Variants in CDIPT observed in about 807,000 individuals in gnomAD.
CDIPT encodes CDP-diacylglycerol--inositol 3-phosphatidyltransferase.
In CDIPT, 17 loss-of-function variants were observed where a neutral mutation model predicts 21.6. That is an observed-to-expected ratio of 0.79 (90% CI 0.54 to 1.18). The LOEUF is 1.18. CDIPT is among the 50% of genes most tolerant of loss of function. The probability of loss-of-function intolerance (pLI) is 0.00; values close to 1 mark genes in which losing one functional copy is unlikely to be tolerated. For missense variants in CDIPT, 254 were observed against 284.9 expected, an observed-to-expected ratio of 0.89 and a Z score of 0.78; for synonymous variants, 119 against 117.9, an observed-to-expected ratio of 1.01 and a Z score of -0.06.
Position 29,862,869 on chromosome 16 carries a change from C to T in CDIPT, c.-12G>A. 2 of 1,613,358 alleles carry T rather than the reference C, an allele frequency of 1.2e-6. No homozygotes were observed. Among genetic ancestry groups the T allele is most frequent in the South Asian group, 1.1e-5 (1 of 91,050 alleles). On this transcript the variant is annotated 5_prime_UTR_variant, in exon 1 of 6. Transcript: ENST00000219789. The surrounding 1 kb of genome is among the most constrained non-coding windows in gnomAD (Gnocchi z 6.7). ...TTTTCGTCTGGCATCGCGGCGCCTC[C>T]CTTGCTGCCCCGGGCCTGCTCTGGA...
At position 29,862,693 on chromosome 16, in the gene CDIPT, A is replaced by G. The variant is rs762982857; in HGVS notation, c.71T>C (p.Ile24Thr). The G allele has an allele frequency of 6.2e-7, 1 of 1,614,126 alleles. No homozygotes were observed. Among genetic ancestry groups the G allele is most frequent in the South Asian group, 1.1e-5 (1 of 91,082 alleles). Reference protein sequence around the residue: ...IGYARIVFAIISFYFMPCCPL... With the variant: ...IGYARIVFAITSFYFMPCCPL... ...GCAGCAGGGCATGAAGTAGAAAGAA[A>G]TGATGGCGAAGACAATCCGGGCATA... Residue 24 changes from isoleucine to threonine, a missense_variant, in exon 2 of 6, where the codon ATT becomes ACT. Physicochemically the swap from Ile to Thr is moderately conservative, Grantham distance 89. Transcript: ENST00000219789. The surrounding 1 kb of genome is among the most constrained non-coding windows in gnomAD (Gnocchi z 6.7).
At chr16:29,861,682 G>A (rs2067684010) in intron 2 of CDIPT, 1 of 611,102 alleles carries the variant, frequency 1.6e-6, no homozygotes, top group Non-Finnish European at 2.9e-6. Context: ...TGCTTATGCA[G>A]GGCACACAGT....
chr16:29,859,462 TG>T lies in CDIPT; in HGVS notation c.475del (p.His159IlefsTer7). 3 of 1,612,956 alleles carry T rather than the reference TG, an allele frequency of 1.9e-6. No individual in the cohort carries two copies. Among genetic ancestry groups the T allele is most frequent in the Non-Finnish European group, 2.5e-6 (3 of 1,179,368 alleles). On this transcript the variant is annotated frameshift_variant, in exon 5 of 6. Transcript: ENST00000219789. LOFTEE classifies it high-confidence loss of function. This position sits in a 1 kb window ranked among gnomAD's most constrained non-coding sequence, Gnocchi z 4.5. ...ELFYCLLYLF[H>X]FSEGPLVGSV... is the part of the protein sequence containing the mutation. Reference sequence around the variant, plus strand: ...CCTACCTAAAGGTCCCTCAGAGAAATGGAACAGGTAGAGGAGGCAGTAGAAG... The same window carrying T: ...CCTACCTAAAGGTCCCTCAGAGAAATGAACAGGTAGAGGAGGCAGTAGAAG...
At position 29,859,109 on chromosome 16, in the gene CDIPT, C is replaced by G; in HGVS notation, c.*80G>C. 6.8e-7 allele frequency: 1 copy of G among 1,465,026 alleles called. No homozygotes were observed. Among genetic ancestry groups the G allele is most frequent in the Non-Finnish European group, 9.2e-7 (1 of 1,084,028 alleles). 90.8% of individuals were successfully genotyped at this position (1,465,026 alleles called of 1,614,324 possible). On this transcript the variant is annotated 3_prime_UTR_variant, in exon 6 of 6. Transcript: ENST00000219789. The surrounding 1 kb of genome is among the most constrained non-coding windows in gnomAD (Gnocchi z 4.5). ...CATGAGGAAGGCGTGAGACTGGGAC[C>G]TCCTAGCAGGGGGTGGGGAGCTGTG...
In CDIPT at chr16:29,859,733, G is replaced by A. The variant is rs369845130; in HGVS notation, c.415-210C>T. ...TCAAAACTCCTGGTCTCAGCCAGGC[G>A]TGTGGCTCATGCCTGGAGTCCCAGC... On this transcript the variant is annotated intron_variant, in intron 4 of 5. Coordinates refer to ENST00000219789, the MANE Select transcript of CDIPT (RefSeq NM_006319.5). This position sits in a 1 kb window ranked among gnomAD's most constrained non-coding sequence, Gnocchi z 4.5. Among the ~76,000 whole-genome samples, 7 of 152,110 alleles carry A rather than the reference G, an allele frequency of 4.6e-5. No homozygotes were observed. The highest frequency in any genetic ancestry group is 6.6e-5 in the Admixed American group (1 of 15,256).
At chr16:29,861,047 C>T in intron 3 of CDIPT, 59 bp downstream of exon 3, 1 of 1,578,082 alleles carries the variant, frequency 6.3e-7, no homozygotes, top group Non-Finnish European at 8.7e-7. Flanking sequence ...TCCGTCTAGG[C>T]TCAGCCCACC....
At position 29,859,879 on chromosome 16, in the gene CDIPT, C is replaced by T. The variant is rs1184438866; in HGVS notation, c.415-356G>A. On this transcript the variant is annotated intron_variant, in intron 4 of 5. Transcript: ENST00000219789. This position sits in a 1 kb window ranked among gnomAD's most constrained non-coding sequence, Gnocchi z 4.5. Reference sequence around the variant, plus strand: ...AATTAGCCGAGTGTGGTGGCACGTGCCGGTAGTCCCAGCCACTCAGGAGGC... The same window carrying T: ...AATTAGCCGAGTGTGGTGGCACGTGTCGGTAGTCCCAGCCACTCAGGAGGC... Among the ~76,000 whole-genome samples the T allele has an allele frequency of 6.6e-6, 1 of 152,080 alleles. No individual in the cohort carries two copies. Among genetic ancestry groups the T allele is most frequent in the Admixed American group, 6.6e-5 (1 of 15,248 alleles).
At chr16:29,861,345 T>C in intron 2 of CDIPT, 86 bp from the exon 3 acceptor site, 1 of 1,576,362 alleles carries the variant, frequency 6.3e-7, no homozygotes, top group Non-Finnish European at 8.6e-7. Flanking sequence ...TGACGCAGGG[T>C]GTAAACGAAG....
At chr16:29,861,772 C>T (rs1596943261) in intron 2 of CDIPT, 1 of 412,996 alleles carries the variant, frequency 2.4e-6, no homozygotes, top group South Asian at 2.7e-5. Context: ...CTTGCTCTGT[C>T]GCCCAGGCTG....
rs752466033 is a variant in CDIPT, at chr16:29,861,232, A to G, written c.206T>C (p.Met69Thr). Residue 69 changes from methionine (M) to threonine (T), a missense_variant, in exon 3 of 6, where the codon ATG becomes ACG. Met to Thr is a moderately conservative substitution (Grantham distance 81). Coordinates refer to ENST00000219789, the MANE Select transcript of CDIPT (RefSeq NM_006319.5). Reference sequence around the variant, plus strand: ...CATGGTGGAGCAGCGGTCCGTCAGCATGTCCAGCATGGCCCCAAACCGGGT... The same window carrying G: ...CATGGTGGAGCAGCGGTCCGTCAGCGTGTCCAGCATGGCCCCAAACCGGGT... ...QGTRFGAMLDMLTDRCSTMCL... is the reference protein window; with the variant it reads ...QGTRFGAMLDTLTDRCSTMCL... 2 of 1,614,198 alleles carry G rather than the reference A, an allele frequency of 1.2e-6. No homozygotes were observed. The highest frequency in any genetic ancestry group is 1.1e-5 in the South Asian group (1 of 91,086).
rs996254709 is a variant in CDIPT at position 29,858,964 on chromosome 16, G to A, written c.*225C>T. On this transcript the variant is annotated 3_prime_UTR_variant, in exon 6 of 6. Transcript: ENST00000219789. ...CCGGTCCCGGCACCCCAGGAGCACCGCCTGGATGGAGGGGGCCTCCCGCGT... is the reference window on the plus strand; with the variant it reads ...CCGGTCCCGGCACCCCAGGAGCACCACCTGGATGGAGGGGGCCTCCCGCGT... 1.4e-5 allele frequency: 8 copies of A among 584,732 alleles called. No individual in the cohort carries two copies. Among genetic ancestry groups the A allele is most frequent in the Admixed American group, 3.1e-5 (1 of 32,018 alleles). 36.2% of individuals were successfully genotyped at this position (584,732 alleles called of 1,614,324 possible).
At chr16:29,861,996 G>T (rs551522770) in intron 2 of CDIPT, among the ~76,000 whole-genome samples, 1 of 152,144 alleles carries the variant, frequency 6.6e-6, no homozygotes, top group Non-Finnish European at 1.5e-5. Flanking sequence ...CTCCCAAAGT[G>T]CTGGGATTAC....
chr16:29,861,738 G>GTT (rs948369652), intron 2 of CDIPT: 267 of 432,200 alleles, frequency 6.2e-4, no homozygotes, highest in Admixed American at 2.3e-3. Flanking sequence ...TTTGTTTTTT[G>GTT]TTTTTTTTTT....
intron 4 of CDIPT, among the ~76,000 whole-genome samples, chr16:29,860,293 G>T (rs1314797666): frequency 1.3e-5 from 2 of 152,156 alleles, no homozygotes; most frequent in Non-Finnish European, 2.9e-5. Flanking sequence ...CTGTGTTCCT[G>T]GAATCAAGTC....
At position 29,859,578 on chromosome 16, in the gene CDIPT, T is replaced by C. The variant is rs2067663103; in HGVS notation, c.415-55A>G. 8.5e-7 allele frequency: 1 copy of C among 1,177,020 alleles called. No homozygotes were observed. The allele number at this position is 1,177,020 out of a possible 1,614,324, so 72.9% of individuals were successfully genotyped here. On this transcript the variant is annotated intron_variant, in intron 4 of 5. Transcript: ENST00000219789. This position sits in a 1 kb window ranked among gnomAD's most constrained non-coding sequence, Gnocchi z 4.5. ...CAAGAGGCAGGCGTGTGCCACCCCC[T>C]GCCCCCCCAGCACTAATGAAGGCAC...
rs144849383 is a variant in CDIPT at position 29,859,564 on chromosome 16, C to A, written c.415-41G>T. The A allele has an allele frequency of 7.5e-7, 1 of 1,339,774 alleles. No individual in the cohort carries two copies. Among genetic ancestry groups the A allele is most frequent in the Non-Finnish European group, 1.1e-6 (1 of 933,158 alleles). 83.0% of individuals were successfully genotyped at this position (1,339,774 alleles called of 1,614,324 possible). A position where few individuals can be genotyped will look rare whatever the true frequency, so the allele number is the denominator to read the frequency against. ...ACAGGCCACGTTAGCAAGAGGCAGG[C>A]GTGTGCCACCCCCTGCCCCCCCAGC... On this transcript the variant is annotated intron_variant, in intron 4 of 5. Transcript: ENST00000219789. The surrounding 1 kb of genome is among the most constrained non-coding windows in gnomAD (Gnocchi z 4.5).
chr16:29,860,436 C>A, intron 4 of CDIPT, 145 bp downstream of exon 4: 1 of 625,504 alleles, frequency 1.6e-6, no homozygotes, highest in South Asian at 1.9e-5. Context: ...TCCTCCTCCA[C>A]GCCTCAGCTT....
Position 29,861,655 on chromosome 16 carries a change from C to A in CDIPT, c.179-396G>T, listed in dbSNP as rs570286636. ...CCTCTCCATCCTCCCTCTAAGCATG[C>A]CTTCTGGAACCCCAACTGCTTATGC... On this transcript the variant is annotated intron_variant, in intron 2 of 5. Coordinates refer to ENST00000219789, the MANE Select transcript of CDIPT (RefSeq NM_006319.5). 1.0e-4 allele frequency: 68 copies of A among 654,810 alleles called. 1 individual carries two copies. In the East Asian group the frequency reaches 1.7e-3, roughly 16 times the overall value. The allele number at this position is 654,810 out of a possible 1,614,324, so 40.6% of individuals were successfully genotyped here. A position where few individuals can be genotyped will look rare whatever the true frequency, so the allele number is the denominator to read the frequency against.
In CDIPT at chr16:29,863,034, G is replaced by A; in HGVS notation, c.-177C>T. The A allele has an allele frequency of 4.1e-6, 3 of 725,102 alleles. No homozygotes were observed. The highest frequency in any genetic ancestry group is 7.1e-6 in the Non-Finnish European group (3 of 424,936). 44.9% of individuals were successfully genotyped at this position (725,102 alleles called of 1,614,324 possible). Reference sequence around the variant, plus strand: ...CCGCAGCCGTCGGGAGCATGGACCGGCCCCGAGGTGCGCGGGACGCAGGGG... The same window carrying A: ...CCGCAGCCGTCGGGAGCATGGACCGACCCCGAGGTGCGCGGGACGCAGGGG... On this transcript the variant is annotated 5_prime_UTR_variant, in exon 1 of 6. Coordinates refer to ENST00000219789, the MANE Select transcript of CDIPT (RefSeq NM_006319.5).
Sources: allele counts gnomAD v4.1 joint callset (sites outside exome capture counted in the v4.1 genomes callset), GRCh38; gene constraint gnomAD v4.1.1; non-coding constraint Gnocchi (gnomAD v3.1); transcripts MANE v1.5; gene names NCBI Gene and HGNC (gene_info 2026-07-23, HGNC 2026-07-21).